NLGN1: variants seen among roughly 807,000 people sequenced by gnomAD.
The protein encoded by NLGN1 is neuroligin 1.
NLGN1 carries 12 observed loss-of-function variants against 65.5 expected under a neutral mutation model. The observed-to-expected ratio is 0.18, with a 90% CI of 0.12 to 0.30. The LOEUF (loss-of-function observed/expected upper bound fraction) is 0.30. Ranked by LOEUF, NLGN1 falls within the 10% of genes least tolerant of loss-of-function variation. The probability of loss-of-function intolerance (pLI) is 1.00; values close to 1 mark genes in which losing one functional copy is unlikely to be tolerated. For synonymous variants in NLGN1, 350 were observed against 359.5 expected, an observed-to-expected ratio of 0.97 and a Z score of 0.30; for missense variants, 750 against 1,007.1, an observed-to-expected ratio of 0.74 and a Z score of 3.46.
At chr3:173,408,106 C>T (rs1711645062) in intron 1 of NLGN1, among the ~76,000 whole-genome samples, 1 of 152,074 alleles carries the variant, frequency 6.6e-6, no homozygotes, top group African/African-American at 2.4e-5. Flanking sequence ...CGCTCTGTTG[C>T]CCAGGCTGGA....
chr3:173,473,360 A>G (rs1016444683), intron 2 of NLGN1, among the ~76,000 whole-genome samples: 1 of 152,220 alleles, frequency 6.6e-6, no homozygotes, highest in Non-Finnish European at 1.5e-5. Flanking sequence ...TATTTTCTCT[A>G]TGCATTTGGA....
intron 2 of NLGN1, among the ~76,000 whole-genome samples, chr3:173,436,527 A>G (rs1465078870): frequency 6.6e-6 from 1 of 152,182 alleles, no homozygotes; most frequent in Non-Finnish European, 1.5e-5. Context: ...CAAGAGCATT[A>G]ATTTTAGGCG....
intron 4 of NLGN1, among the ~76,000 whole-genome samples, chr3:173,861,558 A>G (rs202069457): frequency 0.011 from 1,537 of 138,462 alleles, 26 homozygotes; most frequent in East Asian, 0.039. Flanking sequence ...GTGTGTGTGT[A>G]TATACACACA....
At chr3:173,827,418 G>A (rs1721560605) in intron 4 of NLGN1, among the ~76,000 whole-genome samples, 1 of 152,026 alleles carries the variant, frequency 6.6e-6, no homozygotes, top group African/African-American at 2.4e-5. Context: ...GGATGCCTGA[G>A]CTGGATTTTA....
intron 4 of NLGN1, among the ~76,000 whole-genome samples, chr3:174,113,978 T>G (rs966706907): frequency 6.6e-6 from 1 of 152,122 alleles, no homozygotes; most frequent in Non-Finnish European, 1.5e-5. Context: ...ACAGCAGTAG[T>G]AGGAACCACT....
chr3:173,585,195 G>A (rs1577393238), intron 2 of NLGN1, among the ~76,000 whole-genome samples: 1 of 152,164 alleles, frequency 6.6e-6, no homozygotes, highest in Non-Finnish European at 1.5e-5. Flanking sequence ...CCTAGATCGA[G>A]CTAAAAAACC....
chr3:174,233,558 C>A (rs973656760), intron 4 of NLGN1, among the ~76,000 whole-genome samples: 8 of 151,820 alleles, frequency 5.3e-5, no homozygotes, highest in African/African-American at 1.4e-4. Context: ...CTTGAACAGA[C>A]AAGAATGCTA....
intron 3 of NLGN1, among the ~76,000 whole-genome samples, chr3:173,760,398 T>G (rs909485962): frequency 6.6e-6 from 1 of 151,898 alleles, no homozygotes; most frequent in South Asian, 2.1e-4. Flanking sequence ...ATAAATATTA[T>G]GAGAATCATA....
intron 4 of NLGN1, among the ~76,000 whole-genome samples, chr3:173,918,731 C>T (rs915875413): frequency 7.2e-5 from 10 of 138,866 alleles, no homozygotes; most frequent in African/African-American, 1.1e-4. Flanking sequence ...AGAATGGTAA[C>T]GTCTTCTAGT....
intron 4 of NLGN1, among the ~76,000 whole-genome samples, chr3:174,048,994 T>C (rs1734224439): frequency 6.6e-6 from 1 of 151,952 alleles, no homozygotes; most frequent in Admixed American, 6.6e-5. Context: ...AACAAAAATT[T>C]CTGCATCTTT....
At chr3:174,179,546 G>C (rs892162885) in intron 4 of NLGN1, among the ~76,000 whole-genome samples, 1 of 151,972 alleles carries the variant, frequency 6.6e-6, no homozygotes, top group East Asian at 1.9e-4. Context: ...TTAGATATTG[G>C]CAGGGAAAAA....
chr3:173,530,251 G>T (rs1364200104), intron 2 of NLGN1, among the ~76,000 whole-genome samples: 3 of 152,134 alleles, frequency 2.0e-5, no homozygotes, highest in East Asian at 1.9e-4. Context: ...CACCATGCCC[G>T]ACCTTATGGG....
At chr3:174,137,729 C>G (rs1169023368) in intron 4 of NLGN1, among the ~76,000 whole-genome samples, 1 of 151,986 alleles carries the variant, frequency 6.6e-6, no homozygotes, top group Admixed American at 6.6e-5. Context: ...TGGGAAAATA[C>G]CTATAGTTCT....
intron 4 of NLGN1, among the ~76,000 whole-genome samples, chr3:173,953,361 G>A (rs181423124): frequency 2.4e-4 from 36 of 151,966 alleles, no homozygotes; most frequent in African/African-American, 8.4e-4. Context: ...TGATTTTCTT[G>A]CAGAAAAAGC....
At chr3:174,282,959 GTATA>G (rs1751714827) in exon 7 of NLGN1, 1 of 151,792 alleles carries the variant, frequency 6.6e-6, no homozygotes, top group Non-Finnish European at 1.5e-5. Flanking sequence ...ACAAAAAATT[GTATA>G]CTACTTGATG....
intron 2 of NLGN1, among the ~76,000 whole-genome samples, chr3:173,444,730 A>G (rs1489341067): frequency 1.3e-5 from 2 of 151,976 alleles, no homozygotes; most frequent in African/African-American, 2.4e-5. Context: ...CTATCTATCT[A>G]TCTATATATA....
At chr3:174,245,985 C>T (rs1043299387) in intron 4 of NLGN1, among the ~76,000 whole-genome samples, 6 of 152,228 alleles carry the variant, frequency 3.9e-5, no homozygotes, top group African/African-American at 1.2e-4. Context: ...ATTCAATGTA[C>T]GTTTATTGAG....
intron 4 of NLGN1, among the ~76,000 whole-genome samples, chr3:173,951,569 T>A (rs1354031082): frequency 2.6e-5 from 4 of 151,810 alleles, no homozygotes; most frequent in Admixed American, 1.3e-4. Flanking sequence ...TTCAAGTGAT[T>A]CTCCTGCCTC....
chr3:174,289,414 A>T (rs527948823), downstream of NLGN1, among the ~76,000 whole-genome samples: 4 of 151,362 alleles, frequency 2.6e-5, no homozygotes, highest in South Asian at 8.3e-4. Context: ...CCAACTGATT[A>T]CTCTTCCTCT....
Sources: allele counts gnomAD v4.1 joint callset (sites outside exome capture counted in the v4.1 genomes callset), GRCh38; gene constraint gnomAD v4.1.1; transcripts MANE v1.5; gene names NCBI Gene and HGNC (gene_info 2026-07-23, HGNC 2026-07-21).